ITGA1: variants seen among roughly 807,000 people sequenced by gnomAD.
The protein encoded by ITGA1 is integrin subunit alpha 1.
In ITGA1, 85 loss-of-function variants were observed where a neutral mutation model predicts 145.9. That is an observed-to-expected ratio of 0.58 (90% confidence interval 0.49 to 0.70). The LOEUF (loss-of-function observed/expected upper bound fraction) is 0.70. Ranked by LOEUF, ITGA1 falls within the 30% of genes least tolerant of loss-of-function variation. ITGA1 has a pLI of 0.00. For synonymous variants in ITGA1, 520 were observed against 495.3 expected, an observed-to-expected ratio of 1.05 and a Z score of -0.66; for missense variants, 1,351 against 1,418.7, an observed-to-expected ratio of 0.95 and a Z score of 0.77.
At chr5:52,836,534 G>A (rs189902558) in intron 1 of ITGA1, among the ~76,000 whole-genome samples, 35 of 152,180 alleles carry the variant, frequency 2.3e-4, no homozygotes, top group Admixed American at 1.0e-3. Context: ...ATATGAATGC[G>A]AGATGACAGC....
At chr5:52,925,135 C>A (rs1750784390) in intron 18 of ITGA1, 143 bp from the exon 19 acceptor site, 1 of 629,324 alleles carries the variant, frequency 1.6e-6, no homozygotes. Context: ...ATATAAAATC[C>A]CTTAAGATTT....
intron 1 of ITGA1, among the ~76,000 whole-genome samples, chr5:52,809,560 C>T (rs1326794477): frequency 1.4e-5 from 2 of 145,730 alleles, no homozygotes; most frequent in Non-Finnish European, 3.0e-5. Context: ...GGCTGGAGTG[C>T]AGTGGCCTGA....
chr5:52,839,651 A>G (rs150550253), intron 1 of ITGA1, among the ~76,000 whole-genome samples: 1 of 152,320 alleles, frequency 6.6e-6, no homozygotes, highest in African/African-American at 2.4e-5. Flanking sequence ...ATTTCTTCTC[A>G]GTAAGATATG....
intron 9 of ITGA1, 124 bp from the exon 10 acceptor site, chr5:52,897,331 C>T (rs1432480319): frequency 1.5e-5 from 10 of 660,918 alleles, no homozygotes; most frequent in Middle Eastern, 3.8e-4. Context: ...CTGAAAATGC[C>T]CTAAGATGTT....
At chr5:52,807,356 T>C (rs967197350) in intron 1 of ITGA1, among the ~76,000 whole-genome samples, 4 of 152,186 alleles carry the variant, frequency 2.6e-5, no homozygotes, top group African/African-American at 9.7e-5. Flanking sequence ...TGCTTTAAAA[T>C]GCATTAGTCT....
chr5:52,915,562 T>A lies in ITGA1; in HGVS notation c.1956T>A (p.Thr652=). 6.2e-7 allele frequency: 1 copy of A among 1,614,090 alleles called. No homozygotes were observed. ...ATGGTGACGGTCTGACAGATGTGAC[T>A]ATTGGGGGCCTTGGTGGTGCTGCCC... The part of the protein sequence containing the change: ...DLNGDGLTDV[T]IGGLGGAALF... The change falls in exon 15 of 29, where the codon ACT becomes ACA. Residue 652 remains threonine, a synonymous_variant. Coordinates refer to ENST00000282588, the MANE Select transcript of ITGA1 (RefSeq NM_181501.2).
intron 26 of ITGA1, among the ~76,000 whole-genome samples, chr5:52,942,249 G>C (rs1261671669): frequency 1.3e-5 from 2 of 152,112 alleles, no homozygotes; most frequent in Non-Finnish European, 2.9e-5. Flanking sequence ...GATTGCTTTG[G>C]CTACCTGAGC....
chr5:52,860,406 C>T (rs569361063), intron 2 of ITGA1, among the ~76,000 whole-genome samples: 4 of 152,114 alleles, frequency 2.6e-5, no homozygotes, highest in Non-Finnish European at 4.4e-5. Context: ...ATTAGTCGGG[C>T]GTGGTGGCGT....
At chr5:52,804,415 G>A (rs1178430927) in intron 1 of ITGA1, among the ~76,000 whole-genome samples, 3 of 152,154 alleles carry the variant, frequency 2.0e-5, no homozygotes, top group Non-Finnish European at 2.9e-5. Context: ...TCATTTGTAT[G>A]TTAAATTCCT....
intron 27 of ITGA1, among the ~76,000 whole-genome samples, chr5:52,947,066 TCAC>T (rs1423745698): frequency 6.6e-6 from 1 of 152,198 alleles, no homozygotes; most frequent in Non-Finnish European, 1.5e-5. Context: ...AAACAGAAAT[TCAC>T]TCCTCCCCTT....
In ITGA1 at chr5:52,905,872, A is replaced by G. The variant is rs1202603380; in HGVS notation, c.1419A>G (p.Gly473=). ...GQVIIYRMED[G]NIKILQTLSG... is the part of the protein sequence containing the mutation. ...TCATTATCTACAGGATGGAAGATGG[A>G]AACATCAAAATTCTCCAGACGCTCA... Residue 473 remains glycine (G), a synonymous_variant, in exon 12 of 29, where the codon GGA becomes GGG. Transcript: ENST00000282588. The G allele has an allele frequency of 6.2e-7, 1 of 1,613,350 alleles. No homozygotes were observed. Among genetic ancestry groups the G allele is most frequent in the Non-Finnish European group, 8.5e-7 (1 of 1,179,594 alleles).
rs1341653318 is a variant in ITGA1, at chr5:52,905,767, C to T, written c.1314C>T (p.Tyr438=). The T allele has an allele frequency of 6.2e-7, 1 of 1,612,432 alleles. No individual in the cohort carries two copies. Among genetic ancestry groups the T allele is most frequent in the Non-Finnish European group, 8.5e-7 (1 of 1,179,188 alleles). Residue 438 remains tyrosine, a synonymous_variant, in exon 12 of 29, where the codon TAC becomes TAT. Transcript: ENST00000282588. The stretch of plus-strand genomic sequence containing the variant: ...CTGGAATCTTTCTTTTGTTAGGTTA[C>T]ACTGTAAACTCTGCTACTGCTTCTT... ...KNEPLASYLG[Y]TVNSATASSG...
intron 1 of ITGA1, chr5:52,800,776 G>A: frequency 1.2e-6 from 2 of 1,614,130 alleles, no homozygotes; most frequent in Non-Finnish European, 8.5e-7. Context: ...CATCGAGCAG[G>A]CCTGTGACCC....
chr5:52,826,216 G>T (rs1205540751), intron 1 of ITGA1, among the ~76,000 whole-genome samples: 1 of 152,158 alleles, frequency 6.6e-6, no homozygotes, highest in Non-Finnish European at 1.5e-5. Flanking sequence ...AAAGTTGAGT[G>T]GTCTGGGAAG....
chr5:52,889,941 T>G (rs868654967), intron 8 of ITGA1: 2 of 152,152 alleles, frequency 1.3e-5, no homozygotes, highest in African/African-American at 4.8e-5. Context: ...GTGTCTTTCC[T>G]TTATTTTTTG....
intron 1 of ITGA1, among the ~76,000 whole-genome samples, chr5:52,847,636 T>C (rs776314574): frequency 2.0e-5 from 3 of 152,346 alleles, no homozygotes; most frequent in Non-Finnish European, 2.9e-5. Flanking sequence ...CACTGCAACC[T>C]CTGTCTCCCA....
At chr5:52,820,390 G>T in intron 1 of ITGA1, among the ~76,000 whole-genome samples, 1 of 99,584 alleles carries the variant, frequency 1.0e-5, no homozygotes. Context: ...GGGGAGGGGG[G>T]AGGGATAGCA....
intron 20 of ITGA1, among the ~76,000 whole-genome samples, chr5:52,928,188 T>C (rs1427453114): frequency 6.6e-6 from 1 of 152,214 alleles, no homozygotes; most frequent in Non-Finnish European, 1.5e-5. Context: ...TAACAATTCT[T>C]ACACAGGCAA....
At chr5:52,912,796 G>A (rs1261050528) in intron 14 of ITGA1, among the ~76,000 whole-genome samples, 1 of 149,668 alleles carries the variant, frequency 6.7e-6, no homozygotes, top group Non-Finnish European at 1.5e-5. Context: ...GCCCAGGCTA[G>A]ACTGCAGTGG....
Sources: gnomAD v4.1 joint callset for allele counts (sites outside exome capture counted in the v4.1 genomes callset) on GRCh38, gnomAD v4.1.1 for gene constraint, MANE v1.5 for transcripts, NCBI Gene and HGNC (gene_info 2026-07-23, HGNC 2026-07-21) for gene names.